The following NDUFA10 variants were observed in gnomAD, a reference collection of about 807,000 sequenced individuals.
The protein encoded by NDUFA10 is NADH:ubiquinone oxidoreductase subunit A10.
NDUFA10 carries 40 observed loss-of-function variants against 47.8 expected under a neutral mutation model. The ratio of observed to expected loss-of-function variants is 0.84; its 90% CI spans 0.65 to 1.09. The LOEUF (loss-of-function observed/expected upper bound fraction) is 1.09, where lower values mean the gene tolerates loss of function less well. Among genes scored for constraint, NDUFA10 ranks in the 50% least tolerant of loss-of-function variants. The pLI, the probability that NDUFA10 is intolerant of heterozygous loss-of-function variation, is 0.00. For missense variants in NDUFA10, 413 were observed against 451.1 expected, an observed-to-expected ratio of 0.92 and a Z score of 0.76; for synonymous variants, 183 against 172.2, an observed-to-expected ratio of 1.06 and a Z score of -0.49.
At chr2:239,909,750 G>C (rs1693716943) in intron 4 of NDUFA10, among the ~76,000 whole-genome samples, 1 of 152,046 alleles carries the variant, frequency 6.6e-6, no homozygotes, top group Non-Finnish European at 1.5e-5. Flanking sequence ...TTGACAAATG[G>C]AATCTAAGTA....
At chr2:239,992,652 G>A (rs1294148215) in intron 8 of NDUFA10, among the ~76,000 whole-genome samples, 2 of 152,234 alleles carry the variant, frequency 1.3e-5, no homozygotes, top group Non-Finnish European at 1.5e-5. Context: ...GATGGTCTGA[G>A]AGGAGCTTGC....
chr2:239,942,676 C>A lies in NDUFA10; in HGVS notation c.295-47362G>T, dbSNP rs981877317. ...CTCTGCCTTCCGCATGTTTATCTTG[C>A]GCATGCTGTGGTCCCTTCTCCAGCA... On this transcript the variant is annotated intron_variant, in intron 4 of 5. Coordinates refer to the NDUFA10 transcript ENST00000419408. Among the ~76,000 whole-genome samples, 8 of 152,044 alleles carry A rather than the reference C, an allele frequency of 5.3e-5. No individual in the cohort carries two copies. The East Asian group carries it at 9.7e-4, about 18-fold the overall frequency.
chr2:239,928,113 G>A lies in NDUFA10; in HGVS notation c.295-32799C>T, dbSNP rs1444917069. 1.3e-5 allele frequency among the ~76,000 whole-genome samples: 2 copies of A among 151,970 alleles called. No individual in the cohort carries two copies. The highest frequency in any genetic ancestry group is 4.8e-5 in the African/African-American group (2 of 41,342). Reference sequence around the variant, plus strand: ...TGGGAAAACAGCAGACCCCAGCACAGCCCCCACCACAAACGCGAGTAAGGA... The same window carrying A: ...TGGGAAAACAGCAGACCCCAGCACAACCCCCACCACAAACGCGAGTAAGGA... On this transcript the variant is annotated intron_variant, in intron 4 of 5. Coordinates refer to the NDUFA10 transcript ENST00000419408. The surrounding 1 kb of genome is among the most constrained non-coding windows in gnomAD (Gnocchi z 4.3).
At chr2:239,921,555 A>T (rs1345065409) in intron 4 of NDUFA10, among the ~76,000 whole-genome samples, 1 of 152,144 alleles carries the variant, frequency 6.6e-6, no homozygotes. Context: ...TCCATTTTAC[A>T]GAGCGCTGAT....
Position 239,945,486 on chromosome 2 carries a change from G to T in NDUFA10, c.294+44588C>A, listed in dbSNP as rs144041668. ...GAGCGGACACCCCAACCGGAACGCA[G>T]GCTGCACCGCGAGGCTCCCTGCGCC... On this transcript the variant is annotated intron_variant, in intron 4 of 5. Transcript: ENST00000419408. The surrounding 1 kb of genome is among the most constrained non-coding windows in gnomAD (Gnocchi z 4.6). 2.5e-4 allele frequency among the ~76,000 whole-genome samples: 38 copies of T among 152,280 alleles called. No homozygotes were observed. In the East Asian group the frequency reaches 6.2e-3, roughly 25 times the overall value.
At chr2:239,938,049 C>G (rs990937368) in intron 4 of NDUFA10, among the ~76,000 whole-genome samples, 1 of 152,046 alleles carries the variant, frequency 6.6e-6, no homozygotes, top group African/African-American at 2.4e-5. Context: ...TGGCCTTTTC[C>G]CTGCATCCCT....
intron 9 of NDUFA10, among the ~76,000 whole-genome samples, chr2:239,984,292 A>C (rs927000933): frequency 6.6e-6 from 1 of 152,146 alleles, no homozygotes; most frequent in African/African-American, 2.4e-5. Flanking sequence ...TAATTATAAC[A>C]AGTGTACCAT....
chr2:239,926,292 T>G (rs551115785), intron 4 of NDUFA10, among the ~76,000 whole-genome samples: 2 of 152,340 alleles, frequency 1.3e-5, no homozygotes, highest in South Asian at 2.1e-4. Flanking sequence ...ACACTGGTAA[T>G]GTGAGCTCAG....
chr2:239,990,504 G>A (rs1416912206), intron 8 of NDUFA10, among the ~76,000 whole-genome samples: 1 of 152,186 alleles, frequency 6.6e-6, no homozygotes, highest in African/African-American at 2.4e-5. Flanking sequence ...TTAAACACAG[G>A]AATAGCAGGA....
intron 4 of NDUFA10, among the ~76,000 whole-genome samples, chr2:239,940,690 A>G (rs533631120): frequency 6.6e-6 from 1 of 152,370 alleles, no homozygotes; most frequent in South Asian, 2.1e-4. Flanking sequence ...AGATGTTATC[A>G]CCAGTTCAAA....
chr2:239,967,633 C>T (rs1449409460), intron 9 of NDUFA10, among the ~76,000 whole-genome samples: 4 of 152,190 alleles, frequency 2.6e-5, no homozygotes, highest in African/African-American at 4.8e-5. Flanking sequence ...GGTCCTGTGC[C>T]GGCTAAGTGC....
intron 8 of NDUFA10, among the ~76,000 whole-genome samples, chr2:240,002,477 T>C (rs1696766885): frequency 6.6e-6 from 1 of 152,230 alleles, no homozygotes; most frequent in Admixed American, 6.5e-5. Context: ...TTAACACCAT[T>C]TTATACAGTA....
intron 4 of NDUFA10, among the ~76,000 whole-genome samples, chr2:239,924,200 T>C (rs963920729): frequency 2.0e-5 from 3 of 152,256 alleles, no homozygotes; most frequent in South Asian, 4.1e-4. Flanking sequence ...TTTCATTTTA[T>C]GCGACTGGTA....
Position 239,916,140 on chromosome 2 carries a change from TACAG to T in NDUFA10, c.295-20830_295-20827del, listed in dbSNP as rs1249012264. 3.6e-5 allele frequency among the ~76,000 whole-genome samples: 5 copies of T among 137,772 alleles called. 1 individual carries two copies. Among genetic ancestry groups the T allele is most frequent in the Middle Eastern group, 4.7e-3 (1 of 212 alleles). The allele number at this position is 137,772 out of a possible 152,430, so 90.4% of individuals were successfully genotyped here. ...ACACATACATAGACACACACAAATA[TACAG>T]ACACACACAGAGAGACACACAGAGA... On this transcript the variant is annotated intron_variant, in intron 4 of 5. Transcript: ENST00000419408.
rs1694776403 is a variant in NDUFA10, at chr2:239,959,830, AAAG to A, written c.*1285_*1287del. On this transcript the variant is annotated 3_prime_UTR_variant, in exon 10 of 10. Coordinates refer to ENST00000252711, the MANE Select transcript of NDUFA10 (RefSeq NM_004544.4). The stretch of plus-strand genomic sequence containing the variant: ...GAAAGGAAGGGAGGGAAGGAGGAGG[AAAG>A]AAGGAGGGAAGGAAGGGGAGAGGGA... 4 of 931,902 alleles carry A rather than the reference AAAG, an allele frequency of 4.3e-6. No individual in the cohort carries two copies. Among genetic ancestry groups the A allele is most frequent in the Admixed American group, 6.2e-5 (1 of 16,170 alleles). 57.7% of individuals were successfully genotyped at this position (931,902 alleles called of 1,614,324 possible).
intron 9 of NDUFA10, among the ~76,000 whole-genome samples, chr2:239,965,585 C>T (rs1441558735): frequency 6.6e-6 from 1 of 152,188 alleles, no homozygotes; most frequent in Non-Finnish European, 1.5e-5. Context: ...TGCTCGTTCA[C>T]GGTGCCCGGG....
intron 4 of NDUFA10, among the ~76,000 whole-genome samples, chr2:239,919,894 T>C (rs1357911491): frequency 6.6e-6 from 1 of 151,968 alleles, no homozygotes; most frequent in Non-Finnish European, 1.5e-5. Flanking sequence ...AGGTCTGCCA[T>C]AGGGAGGCAA....
At chr2:239,915,939 C>T (rs546246159) in intron 4 of NDUFA10, among the ~76,000 whole-genome samples, 1 of 144,148 alleles carries the variant, frequency 6.9e-6, no homozygotes, top group African/African-American at 2.7e-5. Flanking sequence ...CACAGACAGA[C>T]ACAGAGAGAC....
intron 4 of NDUFA10, among the ~76,000 whole-genome samples, chr2:239,946,042 G>C (rs1222778250): frequency 6.6e-6 from 1 of 152,252 alleles, no homozygotes; most frequent in Non-Finnish European, 1.5e-5. Context: ...GGGAGCCCAG[G>C]CTTCCAGGGC....
Sources: gnomAD v4.1 joint callset for allele counts (sites outside exome capture counted in the v4.1 genomes callset) on GRCh38, gnomAD v4.1.1 for gene constraint, Gnocchi (gnomAD v3.1) non-coding constraint, MANE v1.5 for transcripts, NCBI Gene and HGNC (gene_info 2026-07-23, HGNC 2026-07-21) for gene names.